Variants in MYO15A observed in about 807,000 individuals in gnomAD.
MYO15A encodes myosin XVA.
In MYO15A, 308 loss-of-function variants were observed where a neutral mutation model predicts 394.6. The observed-to-expected ratio is 0.78, with a 90% CI of 0.71 to 0.86. MYO15A has a LOEUF of 0.86. Ranked by LOEUF, MYO15A falls within the 40% of genes least tolerant of loss-of-function variation. MYO15A has a pLI of 0.00. For synonymous variants in MYO15A, 1,957 were observed against 2,003.8 expected (o/e 0.98, Z 0.62); for missense variants, 4,606 against 4,799.1 (o/e 0.96, Z 1.19).
chr17:18,135,498 C>T (rs2046248515), intron 12 of MYO15A, among the ~76,000 whole-genome samples: 1 of 152,178 alleles, frequency 6.6e-6, no homozygotes, highest in Admixed American at 6.5e-5. Context: ...TACGCCACCA[C>T]ACCTGGCTAA....
chr17:18,157,874 G>A lies in MYO15A; in HGVS notation c.8941G>A (p.Ala2981Thr). The A allele has an allele frequency of 7.6e-7, 1 of 1,313,098 alleles. No homozygotes were observed. The allele number at this position is 1,313,098 out of a possible 1,614,324, so 81.3% of individuals were successfully genotyped here. A position where few individuals can be genotyped will look rare whatever the true frequency, so the allele number is the denominator to read the frequency against. Residue 2981 changes from alanine to threonine, a missense_variant, in exon 51 of 66, where the codon GCA becomes ACA. Coordinates refer to ENST00000647165, the MANE Select transcript of MYO15A (RefSeq NM_016239.4). ...VAAAVASAAA[A>T]QEVGRRREGP... ...CGCTGCTGTGGCCTCTGCAGCCGCTGCACAGGAGGTGGGCCGCAGGAGAGA... is the reference window on the plus strand; with the variant it reads ...CGCTGCTGTGGCCTCTGCAGCCGCTACACAGGAGGTGGGCCGCAGGAGAGA...
intron 65 of MYO15A, chr17:18,178,446 C>A (rs1327692227): frequency 4.1e-6 from 2 of 483,184 alleles, no homozygotes; most frequent in Non-Finnish European, 7.6e-6. Context: ...AGGCAGGCCC[C>A]TGGTCAATTG....
chr17:18,161,180 C>A, intron 56 of MYO15A, 137 bp from the exon 57 acceptor site: 1 of 1,251,086 alleles, frequency 8.0e-7, no homozygotes, highest in Non-Finnish European at 1.1e-6. Flanking sequence ...TTTTGCATAT[C>A]ACTGCGCAGG....
At chr17:18,115,020 C>A (rs75028106) in intron 1 of MYO15A, among the ~76,000 whole-genome samples, 1 of 152,138 alleles carries the variant, frequency 6.6e-6, no homozygotes, top group Admixed American at 6.5e-5. Context: ...GATCCTGGGC[C>A]CTACTTCCTC....
At chr17:18,124,725 GT>G in intron 3 of MYO15A, 160 bp downstream of exon 3, 2 of 708,914 alleles carry the variant, frequency 2.8e-6, no homozygotes, top group Non-Finnish European at 4.7e-6. Flanking sequence ...TGCTTTGTGA[GT>G]TAGACGGACT....
rs1452153022 is a variant in MYO15A, at chr17:18,121,349, C to G, written c.2549C>G (p.Pro850Arg). 1 of 1,453,690 alleles carries G rather than the reference C, an allele frequency of 6.9e-7. No homozygotes were observed. The allele number at this position is 1,453,690 out of a possible 1,614,324, so 90.0% of individuals were successfully genotyped here. Residue 850 changes from proline (P) to arginine (R), a missense_variant, in exon 2 of 66, where the codon CCC becomes CGC. Transcript: ENST00000647165. This position sits in a 1 kb window ranked among gnomAD's most constrained non-coding sequence, Gnocchi z 5.3. The part of the protein sequence containing the change: ...LPGSPRPPSP[P>R]LGLCHSPRRS... ...GGCTCACCCAGGCCGCCCTCGCCGC[C>G]CCTGGGGCTCTGCCACAGCCCGCGG...
chr17:18,113,951 G>A (rs1002660133), intron 1 of MYO15A, among the ~76,000 whole-genome samples: 5 of 151,940 alleles, frequency 3.3e-5, no homozygotes, highest in African/African-American at 9.7e-5. Context: ...CACAGAGATC[G>A]TCCACATTCC....
At chr17:18,151,993 A>T in intron 41 of MYO15A, 42 bp downstream of exon 41, 1 of 1,545,740 alleles carries the variant, frequency 6.5e-7, no homozygotes, top group Non-Finnish European at 8.8e-7. Flanking sequence ...GGAACAGAAG[A>T]CAAAGAGGGG....
Position 18,150,339 on chromosome 17 carries a change from T to G in MYO15A, c.7213-90T>G, listed in dbSNP as rs1177154312. 19 of 1,167,244 alleles carry G rather than the reference T, an allele frequency of 1.6e-5. No individual in the cohort carries two copies. The East Asian group carries it at 1.9e-4, about 12-fold the overall frequency. The allele number at this position is 1,167,244 out of a possible 1,614,324, so 72.3% of individuals were successfully genotyped here. The stretch of plus-strand genomic sequence containing the variant: ...GAGGCTGCCCCCTCCCACGAGAGGG[T>G]GGGGAAGAGGCCAGTGTCAGGTGCC... On this transcript the variant is annotated intron_variant, in intron 35 of 65. Coordinates refer to ENST00000647165, the MANE Select transcript of MYO15A (RefSeq NM_016239.4). The surrounding 1 kb of genome is among the most constrained non-coding windows in gnomAD (Gnocchi z 4.4).
chr17:18,158,663 C>G, intron 52 of MYO15A, 25 bp downstream of exon 52: 1 of 1,606,788 alleles, frequency 6.2e-7, no homozygotes, highest in South Asian at 1.1e-5. Flanking sequence ...CACCCCTCTT[C>G]CCACAGTGGG....
Position 18,172,280 on chromosome 17 carries a change from C to T in MYO15A, c.10340C>T (p.Thr3447Ile). ...CACAATGGCCTCAACTTTCTCAGCACAGAGACTCATGTGAGTGGCCTCAGC... is the reference window on the plus strand; with the variant it reads ...CACAATGGCCTCAACTTTCTCAGCATAGAGACTCATGTGAGTGGCCTCAGC... Reference protein sequence around the residue: ...INHNGLNFLSTETHELMVKFP... With the variant: ...INHNGLNFLSIETHELMVKFP... Residue 3447 changes from threonine to isoleucine, a missense_variant, in exon 64 of 66, where the codon ACA (threonine) becomes ATA (isoleucine). Physicochemically the swap from Thr to Ile is moderately conservative, Grantham distance 89. This residue lies in a region of MYO15A where 2,776 missense variants were observed against 3,109.3 expected (regional missense o/e 0.89). Coordinates refer to ENST00000647165, the MANE Select transcript of MYO15A (RefSeq NM_016239.4). 6.2e-7 allele frequency: 1 copy of T among 1,614,222 alleles called. No homozygotes were observed. Among genetic ancestry groups the T allele is most frequent in the Non-Finnish European group, 8.5e-7 (1 of 1,180,038 alleles).
At chr17:18,174,014 G>A in intron 65 of MYO15A, 93 bp downstream of exon 65, 1 of 1,502,950 alleles carries the variant, frequency 6.7e-7, no homozygotes, top group Non-Finnish European at 9.0e-7. Context: ...GCCCCAGGGA[G>A]TATCCAGGCC....
At chr17:18,139,916 A>T (rs561479725) in intron 19 of MYO15A, among the ~76,000 whole-genome samples, 256 of 151,958 alleles carry the variant, frequency 1.7e-3, no homozygotes, top group South Asian at 4.4e-3. Flanking sequence ...CCCTGTACTT[A>T]CCCCACTCTG....
rs917285580 is a variant in MYO15A at position 18,140,568 on chromosome 17, C to T, written c.5263C>T (p.Leu1755=). 6.2e-7 allele frequency: 1 copy of T among 1,613,754 alleles called. No homozygotes were observed. Among genetic ancestry groups the T allele is most frequent in the Non-Finnish European group, 8.5e-7 (1 of 1,180,048 alleles). ...TGCCCCACAGGCTGCCCCTCAGCGC[C>T]TGGGCAAGAGCAGCTCCGTCACTCG... ...SHAPQAAPQR[L]GKSSSVTRLY... The change falls in exon 20 of 66, where the codon CTG becomes TTG. Residue 1755 remains leucine (L), a synonymous_variant. Coordinates refer to ENST00000647165, the MANE Select transcript of MYO15A (RefSeq NM_016239.4).
chr17:18,140,320 A>G (rs2046355216), intron 19 of MYO15A, 197 bp from the exon 20 acceptor site: 1 of 742,984 alleles, frequency 1.3e-6, no homozygotes, highest in African/African-American at 1.7e-5. Context: ...TATGGGATGG[A>G]TCCCTTGGAA....
Position 18,121,946 on chromosome 17 carries a change from A to T in MYO15A, c.3146A>T (p.Asp1049Val). The change falls in exon 2 of 66, where the codon GAT becomes GTT. Residue 1049 changes from aspartate (D) to valine (V), a missense_variant. This residue lies in a region of MYO15A where 1,830 missense variants were observed against 1,689.7 expected (regional missense o/e 1.08). Coordinates refer to ENST00000647165, the MANE Select transcript of MYO15A (RefSeq NM_016239.4). The surrounding 1 kb of genome is among the most constrained non-coding windows in gnomAD (Gnocchi z 5.3). ...TPPKDITPPK[D>V]VLPEQKTLRP... ...CCCAAGGATATCACTCCCCCCAAGG[A>T]TGTCCTCCCAGAGCAAAAGACATTA... 1 of 1,613,160 alleles carries T rather than the reference A, an allele frequency of 6.2e-7. No homozygotes were observed. The highest frequency in any genetic ancestry group is 8.5e-7 in the Non-Finnish European group (1 of 1,179,922).
chr17:18,173,919 C>T lies in MYO15A; in HGVS notation c.10489C>T (p.Gln3497Ter). 6.2e-7 allele frequency: 1 copy of T among 1,612,928 alleles called. No individual in the cohort carries two copies. Among genetic ancestry groups the T allele is most frequent in the African/African-American group, 1.3e-5 (1 of 75,052 alleles). The change falls in exon 65 of 66, where the codon CAG becomes TAG. Residue 3497 changes from glutamine to a stop codon, truncating the protein, a stop_gained and splice_region_variant. Coordinates refer to ENST00000647165, the MANE Select transcript of MYO15A (RefSeq NM_016239.4). LOFTEE classifies it high-confidence loss of function. The part of the protein sequence containing the change: ...AQRTLQLQLE[Q>*]GLELCRVVAV... ...GCGCACCTTGCAGCTGCAGCTGGAGCAGGTGGGCCCAGCGCTAAGTCCAAC... is the reference window on the plus strand; with the variant it reads ...GCGCACCTTGCAGCTGCAGCTGGAGTAGGTGGGCCCAGCGCTAAGTCCAAC...
In MYO15A at chr17:18,148,325, T is replaced by A; in HGVS notation, c.6691+115T>A. The A allele has an allele frequency of 6.7e-7, 1 of 1,498,964 alleles. No individual in the cohort carries two copies. The highest frequency in any genetic ancestry group is 9.1e-7 in the Non-Finnish European group (1 of 1,103,860). The allele number at this position is 1,498,964 out of a possible 1,614,324, so 92.9% of individuals were successfully genotyped here. On this transcript the variant is annotated intron_variant, in intron 31 of 65. Coordinates refer to ENST00000647165, the MANE Select transcript of MYO15A (RefSeq NM_016239.4). The surrounding 1 kb of genome is among the most constrained non-coding windows in gnomAD (Gnocchi z 4.8). ...GGAGCTGGGGAGGGGCCTTCTCAGA[T>A]GTGGCTCTGCGTGAAAGTCTGTGTG...
chr17:18,166,413 A>C lies in MYO15A; in HGVS notation c.9840A>C (p.Ser3280=), dbSNP rs1209075470. The change falls in exon 61 of 66, where the codon TCA becomes TCC. Residue 3280 remains serine (S), a synonymous_variant. Coordinates refer to ENST00000647165, the MANE Select transcript of MYO15A (RefSeq NM_016239.4). ...SRRAYILDVA[S]EMEQVDGGYM... ...GTGCTTACATCCTGGATGTGGCCTC[A>C]GAGATGGAGCAGGTGGACGGCGGCT... The C allele has an allele frequency of 6.2e-7, 1 of 1,613,948 alleles. No individual in the cohort carries two copies. The highest frequency in any genetic ancestry group is 8.5e-7 in the Non-Finnish European group (1 of 1,180,038).
Sources: gnomAD v4.1 joint callset for allele counts (sites outside exome capture counted in the v4.1 genomes callset) on GRCh38, gnomAD v4.1.1 for gene constraint, gnomAD v4.1.1 regional missense constraint, Gnocchi (gnomAD v3.1) non-coding constraint, MANE v1.5 for transcripts, NCBI Gene and HGNC (gene_info 2026-07-23, HGNC 2026-07-21) for gene names.